The following PRKN variants were observed in gnomAD, a reference collection of about 807,000 sequenced individuals.
PRKN encodes the protein parkin RBR E3 ubiquitin protein ligase.
In PRKN, 56 loss-of-function variants were observed where a neutral mutation model predicts 59.5. That is an observed-to-expected ratio of 0.94 (90% CI 0.76 to 1.18). The LOEUF (loss-of-function observed/expected upper bound fraction) is 1.18. PRKN is among the 50% of genes most tolerant of loss of function. PRKN has a pLI of 0.00. For synonymous variants in PRKN, 250 were observed against 222.1 expected, an observed-to-expected ratio of 1.13 and a Z score of -1.12; for missense variants, 657 against 596.4, an observed-to-expected ratio of 1.10 and a Z score of -1.06.
chr6:161,757,742 G>A (rs1220917435), intron 7 of PRKN, among the ~76,000 whole-genome samples: 2 of 151,364 alleles, frequency 1.3e-5, no homozygotes, highest in African/African-American at 4.9e-5. Context: ...GGGGGCTGAG[G>A]CAAGAGAATC....
In PRKN at chr6:161,639,089, G is replaced by A. The variant is rs563250486; in HGVS notation, c.872-69673C>T. 6.8e-4 allele frequency among the ~76,000 whole-genome samples: 103 copies of A among 152,198 alleles called. 1 individual carries two copies. Among genetic ancestry groups the A allele is most frequent in the Middle Eastern group, 6.8e-3 (2 of 294 alleles). On this transcript the variant is annotated intron_variant, in intron 7 of 11. Transcript: ENST00000366898. ...TTGCTCGGCACTTCTCCTTGCTGCC[G>A]CCATGTGAAGAAGGACATGTTTGCT...
chr6:161,375,373 G>C (rs907177384), intron 10 of PRKN, among the ~76,000 whole-genome samples: 7 of 152,128 alleles, frequency 4.6e-5, no homozygotes, highest in African/African-American at 1.7e-4. Flanking sequence ...CGGCCTCCAG[G>C]GGCAGGCGTG....
intron 4 of PRKN, among the ~76,000 whole-genome samples, chr6:162,154,241 ACATATGACCGC>A (rs945973227): frequency 1.3e-5 from 2 of 152,178 alleles, no homozygotes; most frequent in Non-Finnish European, 2.9e-5. Flanking sequence ...TTCCCCTCTG[ACATATGACCGC>A]CCTGCACAGC....
intron 6 of PRKN, among the ~76,000 whole-genome samples, chr6:161,905,669 G>T (rs1778114431): frequency 6.6e-6 from 1 of 151,592 alleles, no homozygotes. Context: ...TTTTTTTAAA[G>T]TACATTTTCG....
intron 1 of PRKN, among the ~76,000 whole-genome samples, chr6:162,596,717 A>T (rs1287778067): frequency 1.3e-5 from 2 of 152,216 alleles, no homozygotes; most frequent in African/African-American, 2.4e-5. Flanking sequence ...CCCTTTTCAT[A>T]GAACCCAATA....
chr6:161,658,259 A>C (rs1784427232), intron 7 of PRKN, among the ~76,000 whole-genome samples: 1 of 152,136 alleles, frequency 6.6e-6, no homozygotes, highest in Admixed American at 6.5e-5. Flanking sequence ...CAAAAGAATA[A>C]TTGCATTATT....
At chr6:162,307,378 C>G (rs61399464) in intron 2 of PRKN, among the ~76,000 whole-genome samples, 1 of 146,208 alleles carries the variant, frequency 6.8e-6, no homozygotes, top group Non-Finnish European at 1.5e-5. Flanking sequence ...CCAGCCTGGG[C>G]GGCAAAGAGA....
chr6:161,406,189 C>CACACATATATACATAT (rs1270411004), intron 9 of PRKN, among the ~76,000 whole-genome samples: 1 of 149,554 alleles, frequency 6.7e-6, no homozygotes, highest in African/African-American at 2.5e-5. Context: ...TACATATATA[C>CACACATATATACATAT]ACACATATAT....
intron 7 of PRKN, among the ~76,000 whole-genome samples, chr6:161,570,148 T>A (rs7742454): frequency 0.1 from 8,841 of 86,802 alleles, 329 homozygotes; most frequent in East Asian, 0.25. Flanking sequence ...AAAAAAAAAA[T>A]ATATATATAT....
chr6:162,451,638 A>T (rs1031810112), intron 1 of PRKN, among the ~76,000 whole-genome samples: 46 of 152,314 alleles, frequency 3.0e-4, no homozygotes, highest in African/African-American at 8.9e-4. Context: ...TGCCTGGAAT[A>T]AAAATCTGTT....
At chr6:162,308,309 A>T (rs1378229234) in intron 2 of PRKN, among the ~76,000 whole-genome samples, 2 of 152,220 alleles carry the variant, frequency 1.3e-5, no homozygotes, top group Non-Finnish European at 2.9e-5. Flanking sequence ...AGAAGGGGAA[A>T]AAAAACTTTT....
Position 162,458,081 on chromosome 6 carries a change from C to T in PRKN, c.8-14608G>A, listed in dbSNP as rs1379644886. ...CCAGCCTGGCCAACACGGTTAAACC[C>T]AGTCTCTACTAAAATTACAAAAATT... is the stretch of plus-strand genomic sequence containing the variant. On this transcript the variant is annotated intron_variant, in intron 1 of 11. Coordinates refer to ENST00000366898, the MANE Select transcript of PRKN (RefSeq NM_004562.3). Among the ~76,000 whole-genome samples the T allele has an allele frequency of 2.6e-5, 4 of 151,572 alleles. No homozygotes were observed. In the East Asian group the frequency reaches 7.8e-4, roughly 30 times the overall value.
intron 3 of PRKN, among the ~76,000 whole-genome samples, chr6:162,201,663 T>C (rs1276786310): frequency 1.3e-5 from 2 of 152,182 alleles, no homozygotes; most frequent in African/African-American, 4.8e-5. Context: ...TTTTTCCTCA[T>C]AATATCTACA....
chr6:161,386,727 G>A lies in PRKN; in HGVS notation c.1167+67C>T, dbSNP rs1786266977. On this transcript the variant is annotated intron_variant, in intron 10 of 11. Transcript: ENST00000366898. This position sits in a 1 kb window ranked among gnomAD's most constrained non-coding sequence, Gnocchi z 4.3. ...AGAATGGAACTCTCCATGACCTCCA[G>A]GAAACGGCTCCAGTCCCCCACTGTA... is the stretch of plus-strand genomic sequence containing the variant. 2 of 1,241,934 alleles carry A rather than the reference G, an allele frequency of 1.6e-6. No homozygotes were observed. Among genetic ancestry groups the A allele is most frequent in the South Asian group, 1.2e-5 (1 of 83,602 alleles). The allele number at this position is 1,241,934 out of a possible 1,614,324, so 76.9% of individuals were successfully genotyped here.
intron 6 of PRKN, among the ~76,000 whole-genome samples, chr6:161,835,549 G>A (rs1792714739): frequency 6.6e-6 from 1 of 152,208 alleles, no homozygotes; most frequent in Non-Finnish European, 1.5e-5. Context: ...TAAGGCCCGA[G>A]ACACTGGCAG....
chr6:161,848,044 T>G (rs539455577), intron 6 of PRKN, among the ~76,000 whole-genome samples: 1 of 152,284 alleles, frequency 6.6e-6, no homozygotes, highest in South Asian at 2.1e-4. Context: ...GTGAGGAAAC[T>G]GATACCAAAA....
At chr6:162,434,876 G>C (rs1413220750) in intron 2 of PRKN, among the ~76,000 whole-genome samples, 3 of 152,168 alleles carry the variant, frequency 2.0e-5, no homozygotes, top group African/African-American at 4.8e-5. Flanking sequence ...TCTCAGGCTT[G>C]TTACAATGAC....
Position 161,488,141 on chromosome 6 carries a change from G to T in PRKN, c.1083+60713C>A, listed in dbSNP as rs1777400058. ...GTCTAAGCAGGCCTCTCCTGGGAGG[G>T]GACACCTGTTTAGAGGGCTAAATGA... On this transcript the variant is annotated intron_variant, in intron 9 of 11. Coordinates refer to ENST00000366898, the MANE Select transcript of PRKN (RefSeq NM_004562.3). This position sits in a 1 kb window ranked among gnomAD's most constrained non-coding sequence, Gnocchi z 4.5. Among the ~76,000 whole-genome samples the T allele has an allele frequency of 6.6e-6, 1 of 152,190 alleles. No individual in the cohort carries two copies. The highest frequency in any genetic ancestry group is 6.5e-5 in the Admixed American group (1 of 15,276).
chr6:162,058,219 C>A (rs1008186862), intron 4 of PRKN, among the ~76,000 whole-genome samples: 3 of 152,200 alleles, frequency 2.0e-5, no homozygotes, highest in African/African-American at 7.2e-5. Context: ...ATATTACTTT[C>A]CTTTGATCCC....
Sources: gnomAD v4.1 joint callset for allele counts (sites outside exome capture counted in the v4.1 genomes callset) on GRCh38, gnomAD v4.1.1 for gene constraint, Gnocchi (gnomAD v3.1) non-coding constraint, MANE v1.5 for transcripts, NCBI Gene and HGNC (gene_info 2026-07-23, HGNC 2026-07-21) for gene names.